Variants in EXT2 observed in about 807,000 individuals in gnomAD.
EXT2 encodes the protein exostosin glycosyltransferase 2.
A neutral mutation model predicts 81.6 loss-of-function variants in EXT2; 53 were observed. The ratio of observed to expected loss-of-function variants is 0.65; its 90% CI spans 0.52 to 0.82. EXT2 has a LOEUF of 0.82. Among genes scored for constraint, EXT2 ranks in the 40% least tolerant of loss-of-function variants. EXT2 has a pLI of 0.00. For missense variants in EXT2, 774 were observed against 910.2 expected, an observed-to-expected ratio of 0.85 and a Z score of 1.93; for synonymous variants, 320 against 340.0, an observed-to-expected ratio of 0.94 and a Z score of 0.65.
rs577735127 is a variant in EXT2, at chr11:44,192,033, A to T, written c.1306-5796A>T. Reference sequence around the variant, plus strand: ...AAAAAGCTAGCTGTGTAACTTAAAAAATATATATTATTTAAGGCTTTTCAC... The same window carrying T: ...AAAAAGCTAGCTGTGTAACTTAAAATATATATATTATTTAAGGCTTTTCAC... On this transcript the variant is annotated intron_variant, in intron 8 of 13. Coordinates refer to ENST00000533608, the MANE Select transcript of EXT2 (RefSeq NM_207122.2). Among the ~76,000 whole-genome samples, 304 of 152,346 alleles carry T rather than the reference A, an allele frequency of 2.0e-3. 2 individuals carry two copies. Among genetic ancestry groups the T allele is most frequent in the African/African-American group, 6.9e-3 (288 of 41,582 alleles).
chr11:44,244,111 C>G (rs1348864915), intron 13 of EXT2, 38 bp from the exon 14 acceptor site: 1 of 1,609,564 alleles, frequency 6.2e-7, no homozygotes, highest in East Asian at 2.2e-5. Context: ...TCATTCTGCT[C>G]AAACCCCTCC....
intron 8 of EXT2, among the ~76,000 whole-genome samples, chr11:44,185,510 T>C (rs558016276): frequency 6.6e-6 from 1 of 152,212 alleles, no homozygotes; most frequent in Non-Finnish European, 1.5e-5. Flanking sequence ...TTTTTTGCCC[T>C]TGTGGGTTCA....
chr11:44,223,931 G>C (rs575867877), intron 10 of EXT2, among the ~76,000 whole-genome samples: 1 of 152,158 alleles, frequency 6.6e-6, no homozygotes, highest in East Asian at 1.9e-4. Flanking sequence ...GATTACATGA[G>C]TGAGCCACTG....
intron 8 of EXT2, among the ~76,000 whole-genome samples, chr11:44,173,599 C>A (rs144764970): frequency 8.2e-6 from 1 of 121,954 alleles, no homozygotes; most frequent in African/African-American, 3.1e-5. Flanking sequence ...GATGGAGTCT[C>A]GCTCTGTCGC....
chr11:44,181,879 A>G (rs1486114898), intron 8 of EXT2, among the ~76,000 whole-genome samples: 3 of 152,218 alleles, frequency 2.0e-5, no homozygotes, highest in African/African-American at 7.2e-5. Context: ...TGAAGCACTG[A>G]AAGCTGATTG....
intron 5 of EXT2, among the ~76,000 whole-genome samples, chr11:44,126,582 CAGT>C (rs1242056423): frequency 1.3e-5 from 2 of 152,232 alleles, no homozygotes; most frequent in Non-Finnish European, 2.9e-5. Context: ...AGAAGGCCAA[CAGT>C]GGTGGCATTG....
At chr11:44,213,496 C>T (rs1564979143) in intron 10 of EXT2, among the ~76,000 whole-genome samples, 1 of 152,008 alleles carries the variant, frequency 6.6e-6, no homozygotes, top group African/African-American at 2.4e-5. Context: ...ACTGTCAAAA[C>T]AAATGGAAAA....
intron 4 of EXT2, among the ~76,000 whole-genome samples, chr11:44,117,838 T>C (rs1954244654): frequency 6.6e-6 from 1 of 152,144 alleles, no homozygotes; most frequent in African/African-American, 2.4e-5. Flanking sequence ...CATAACTCAC[T>C]GCAGCCTTGA....
intron 10 of EXT2, among the ~76,000 whole-genome samples, chr11:44,228,161 A>T (rs529250422): frequency 6.6e-6 from 1 of 152,322 alleles, no homozygotes; most frequent in East Asian, 1.9e-4. Flanking sequence ...GTCCCCAAAG[A>T]TGCGTGCAAT....
At chr11:44,183,514 A>G (rs934497031) in intron 8 of EXT2, among the ~76,000 whole-genome samples, 7 of 152,084 alleles carry the variant, frequency 4.6e-5, no homozygotes, top group African/African-American at 1.7e-4. Flanking sequence ...CTCTCTTTGA[A>G]TATTACATAT....
chr11:44,183,480 A>G (rs1190996759), intron 8 of EXT2, among the ~76,000 whole-genome samples: 2 of 151,898 alleles, frequency 1.3e-5, no homozygotes. Flanking sequence ...TTCTTCTTTA[A>G]TCCATTTTTG....
chr11:44,111,810 C>G (rs1954147704), intron 3 of EXT2, among the ~76,000 whole-genome samples: 1 of 152,184 alleles, frequency 6.6e-6, no homozygotes, highest in African/African-American at 2.4e-5. Context: ...GACATCAGAT[C>G]CTTGCATCTG....
chr11:44,176,133 T>C (rs1955154724), intron 8 of EXT2, among the ~76,000 whole-genome samples: 1 of 152,208 alleles, frequency 6.6e-6, no homozygotes, highest in Admixed American at 6.5e-5. Context: ...CATCTGTTCC[T>C]CTGCAGGAGA....
At chr11:44,227,699 C>T (rs1252807422) in intron 10 of EXT2, among the ~76,000 whole-genome samples, 2 of 152,178 alleles carry the variant, frequency 1.3e-5, no homozygotes, top group African/African-American at 4.8e-5. Context: ...GAAAGAAGAA[C>T]TTGGAAAATG....
chr11:44,115,145 C>G (rs916958923), intron 4 of EXT2, among the ~76,000 whole-genome samples: 1 of 152,156 alleles, frequency 6.6e-6, no homozygotes, highest in African/African-American at 2.4e-5. Context: ...ATCGTGATGA[C>G]TTGCTCAAAG....
At chr11:44,096,183 T>A in intron 1 of EXT2, 5 of 1,352,026 alleles carry the variant, frequency 3.7e-6, no homozygotes, top group Non-Finnish European at 4.1e-6. Flanking sequence ...CCCTCCGCCC[T>A]CCGCCGTGAC....
At position 44,236,180 on chromosome 11, in the gene EXT2, C is replaced by T. The variant is rs186283269; in HGVS notation, c.1936-113C>T. 8.1e-5 allele frequency: 72 copies of T among 884,826 alleles called. 1 individual carries two copies. Among genetic ancestry groups the T allele is most frequent in the Admixed American group, 2.5e-4 (14 of 55,942 alleles). The allele number at this position is 884,826 out of a possible 1,614,324, so 54.8% of individuals were successfully genotyped here. A position where few individuals can be genotyped will look rare whatever the true frequency, so the allele number is the denominator to read the frequency against. ...CGAGGTGTGTGTGTGTGTGTGTGCA[C>T]GCGCATGCAACATCTCAGCTTACAA... On this transcript the variant is annotated intron_variant, in intron 12 of 13. Coordinates refer to ENST00000533608, the MANE Select transcript of EXT2 (RefSeq NM_207122.2).
intron 8 of EXT2, among the ~76,000 whole-genome samples, chr11:44,189,383 T>G (rs1238332737): frequency 6.6e-6 from 1 of 152,240 alleles, no homozygotes; most frequent in African/African-American, 2.4e-5. Context: ...TATTAGTCTG[T>G]TCTCACATCA....
chr11:44,096,204 C>T, intron 1 of EXT2: 2 of 1,521,486 alleles, frequency 1.3e-6, no homozygotes, highest in Non-Finnish European at 1.8e-6. Flanking sequence ...CCCTCCCTTC[C>T]TGCTGCCACC....
Sources: allele counts gnomAD v4.1 joint callset (sites outside exome capture counted in the v4.1 genomes callset), GRCh38; gene constraint gnomAD v4.1.1; transcripts MANE v1.5; gene names NCBI Gene and HGNC (gene_info 2026-07-23, HGNC 2026-07-21).